BCL7B: variants seen among roughly 807,000 people sequenced by gnomAD.
BCL7B encodes the protein BAF chromatin remodeling complex subunit BCL7B, also known as B-cell CLL/lymphoma 7 protein family member B.
BCL7B carries 11 observed loss-of-function variants against 26.5 expected under a neutral mutation model. The observed-to-expected ratio is 0.42, with a 90% confidence interval of 0.26 to 0.69. The LOEUF (loss-of-function observed/expected upper bound fraction) is 0.69, where lower values mean the gene tolerates loss of function less well. Ranked by LOEUF, BCL7B falls within the 30% of genes least tolerant of loss-of-function variation. The probability of loss-of-function intolerance (pLI) is 0.28; values close to 1 mark genes in which losing one functional copy is unlikely to be tolerated. For synonymous variants in BCL7B, 111 were observed against 107.9 expected (o/e 1.03, Z -0.18); for missense variants, 215 against 264.4 (o/e 0.81, Z 1.30).
At chr7:73,547,564 A>G (rs1435337396) in intron 2 of BCL7B, among the ~76,000 whole-genome samples, 1 of 152,224 alleles carries the variant, frequency 6.6e-6, no homozygotes, top group African/African-American at 2.4e-5. Flanking sequence ...TAGATCACCT[A>G]CAAAGACTCA....
chr7:73,557,075 C>G, intron 1 of BCL7B: 1 of 989,080 alleles, frequency 1.0e-6, no homozygotes, highest in Non-Finnish European at 1.2e-6. Flanking sequence ...GAGCGCTCAG[C>G]CTGGCGGGCT....
At chr7:73,547,747 G>T (rs939839423) in intron 2 of BCL7B, among the ~76,000 whole-genome samples, 1 of 152,192 alleles carries the variant, frequency 6.6e-6, no homozygotes, top group South Asian at 2.1e-4. Flanking sequence ...TTTCCCCACA[G>T]AAGCTCTCTT....
chr7:73,539,998 C>A lies in BCL7B; in HGVS notation c.320G>T (p.Ser107Ile), dbSNP rs1554582639. 1 of 1,614,082 alleles carries A rather than the reference C, an allele frequency of 6.2e-7. No individual in the cohort carries two copies. Among genetic ancestry groups the A allele is most frequent in the South Asian group, 1.1e-5 (1 of 91,076 alleles). The change falls in exon 4 of 6, where the codon AGC becomes ATC. Residue 107 changes from serine to isoleucine, a missense_variant. Transcript: ENST00000223368. ...VSDVYQLKVD[S>I]STNSSPSPQQ... ...GGGGCTGGGGCTTGAGTTGGTGCTGCTGTCCACCTTAAGCTGATAGACGTC... is the reference window on the plus strand; with the variant it reads ...GGGGCTGGGGCTTGAGTTGGTGCTGATGTCCACCTTAAGCTGATAGACGTC...
intron 1 of BCL7B, 78 bp downstream of exon 1, chr7:73,557,409 C>A: frequency 8.3e-7 from 1 of 1,209,870 alleles, no homozygotes. Flanking sequence ...GGTCGGCTCC[C>A]ACCTGACCCG....
At chr7:73,552,089 T>TC in intron 2 of BCL7B, 78 bp downstream of exon 2, 19 of 1,150,212 alleles carry the variant, frequency 1.7e-5, no homozygotes, top group Admixed American at 6.4e-5. Flanking sequence ...CGAGACTCCG[T>TC]CCCAAAAAAA....
chr7:73,552,574 T>C (rs1395333577), intron 1 of BCL7B, among the ~76,000 whole-genome samples: 2 of 151,402 alleles, frequency 1.3e-5, no homozygotes, highest in African/African-American at 4.9e-5. Flanking sequence ...AGGTCAGGAG[T>C]TCGAGACCAT....
chr7:73,552,278 A>AT, intron 1 of BCL7B, 36 bp from the exon 2 acceptor site: 2 of 1,509,210 alleles, frequency 1.3e-6, no homozygotes, highest in Non-Finnish European at 1.8e-6. Context: ...GGATAAAACA[A>AT]TGCAATGTGT....
chr7:73,557,452 G>T, intron 1 of BCL7B, 35 bp downstream of exon 1: 1 of 1,291,846 alleles, frequency 7.7e-7, no homozygotes, highest in South Asian at 2.2e-5. Flanking sequence ...CTGGATCCGC[G>T]ACCCCCGCCA....
At chr7:73,545,138 AT>A (rs1325901158) in intron 2 of BCL7B, among the ~76,000 whole-genome samples, 4 of 152,156 alleles carry the variant, frequency 2.6e-5, no homozygotes, top group African/African-American at 9.6e-5. Context: ...GTAGCCTCAA[AT>A]TTACCAGTTC....
intron 4 of BCL7B, chr7:73,539,603 A>C (rs1791674879): frequency 1.0e-5 from 4 of 382,870 alleles, no homozygotes; most frequent in African/African-American, 7.9e-5. Context: ...CTGTAAAAGA[A>C]GACAATAGCT....
chr7:73,551,953 G>A (rs957310474), intron 2 of BCL7B, among the ~76,000 whole-genome samples: 1 of 151,022 alleles, frequency 6.6e-6, no homozygotes, highest in East Asian at 2.3e-4. Context: ...AATCAGCTGG[G>A]TGTGGTGGCA....
chr7:73,557,495 C>G lies in BCL7B; in HGVS notation c.84G>C (p.Val28=), dbSNP rs531227242. 8 of 1,441,638 alleles carry G rather than the reference C, an allele frequency of 5.5e-6. No individual in the cohort carries two copies. The African/African-American group carries it at 1.0e-4, about 19-fold the overall frequency. The allele number at this position is 1,441,638 out of a possible 1,614,324, so 89.3% of individuals were successfully genotyped here. Residue 28 remains valine, a synonymous_variant, in exon 1 of 6, where the codon GTG becomes GTC. Transcript: ENST00000223368. ...IKKVMAAIEK[V]RKWEKKWVTV... ...AAGCTCCGGCCCCTCACCATTTCCG[C>G]ACTTTCTCGATGGCCGCCATCACCT...
rs1272458521 is a variant in BCL7B, at chr7:73,537,400, G to T, written c.517-10C>A. ...CCTCTTCCTCAACGACCTAGGAGCAGGCAGAGCATGGAATGCCAGGGCCAC... is the reference window on the plus strand; with the variant it reads ...CCTCTTCCTCAACGACCTAGGAGCATGCAGAGCATGGAATGCCAGGGCCAC... On this transcript the variant is annotated splice_polypyrimidine_tract_variant and intron_variant, in intron 5 of 5. Coordinates refer to ENST00000223368, the MANE Select transcript of BCL7B (RefSeq NM_001707.4). 1 of 1,612,618 alleles carries T rather than the reference G, an allele frequency of 6.2e-7. No individual in the cohort carries two copies. The highest frequency in any genetic ancestry group is 8.5e-7 in the Non-Finnish European group (1 of 1,178,896).
intron 1 of BCL7B, among the ~76,000 whole-genome samples, chr7:73,556,848 G>A (rs954806857): frequency 1.3e-5 from 2 of 152,218 alleles, no homozygotes; most frequent in Non-Finnish European, 2.9e-5. Context: ...ATGAACAAGA[G>A]CAGAAGCAGG....
chr7:73,550,611 G>A (rs923291791), intron 2 of BCL7B, among the ~76,000 whole-genome samples: 1 of 151,050 alleles, frequency 6.6e-6, no homozygotes, highest in African/African-American at 2.4e-5. Context: ...ATACAAAGAG[G>A]TTCTGGCAAA....
At chr7:73,547,827 G>A (rs546562050) in intron 2 of BCL7B, among the ~76,000 whole-genome samples, 9 of 152,060 alleles carry the variant, frequency 5.9e-5, no homozygotes, top group South Asian at 2.1e-4. Flanking sequence ...GTAAGAAGTC[G>A]GTGCATGAGG....
chr7:73,543,850 G>A (rs1302074895), intron 2 of BCL7B: 1 of 516,122 alleles, frequency 1.9e-6, no homozygotes, highest in Non-Finnish European at 3.5e-6. Context: ...AACCCTTCCA[G>A]CAGGAATACT....
Position 73,536,725 on chromosome 7 carries a change from G to C in BCL7B, c.*573C>G, listed in dbSNP as rs1791543168. ...GTCAGCAGCTAGGGTGCCCGTGAGA[G>C]GTAGGACCACCTCAGGCATGGGCAG... On this transcript the variant is annotated 3_prime_UTR_variant, in exon 6 of 6. Coordinates refer to ENST00000223368, the MANE Select transcript of BCL7B (RefSeq NM_001707.4). The C allele has an allele frequency of 6.5e-6, 1 of 152,988 alleles. No homozygotes were observed. The allele number at this position is 152,988 out of a possible 1,614,324, so 9.5% of individuals were successfully genotyped here.
chr7:73,556,056 G>A (rs529326356), intron 1 of BCL7B, among the ~76,000 whole-genome samples: 1 of 151,840 alleles, frequency 6.6e-6, no homozygotes, highest in South Asian at 2.1e-4. Context: ...GGGGCGGGGG[G>A]GTCAAAAATG....
Sources: gnomAD v4.1 joint callset for allele counts (sites outside exome capture counted in the v4.1 genomes callset) on GRCh38, gnomAD v4.1.1 for gene constraint, MANE v1.5 for transcripts, NCBI Gene and HGNC (gene_info 2026-07-23, HGNC 2026-07-21) for gene names.